The following STAG1 variants were observed in gnomAD, a reference collection of about 807,000 sequenced individuals.
STAG1 encodes STAG1 cohesin complex component.
A neutral mutation model predicts 170.9 loss-of-function variants in STAG1; 26 were observed. The ratio of observed to expected loss-of-function variants is 0.15; its 90% CI spans 0.11 to 0.21. The LOEUF (loss-of-function observed/expected upper bound fraction) is 0.21. Ranked by LOEUF, STAG1 falls within the 10% of genes least tolerant of loss-of-function variation. The pLI is 1.00. For missense variants in STAG1, 964 were observed against 1,509.5 expected (o/e 0.64, Z 5.99); for synonymous variants, 514 against 497.7 (o/e 1.03, Z -0.44).
chr3:136,372,415 C>A (rs1322427410), intron 23 of STAG1, among the ~76,000 whole-genome samples: 1 of 152,170 alleles, frequency 6.6e-6, no homozygotes, highest in Non-Finnish European at 1.5e-5. Context: ...GAGGGCATCC[C>A]TGTCTTGTGC....
At chr3:136,572,159 G>A (rs971817138) in intron 4 of STAG1, among the ~76,000 whole-genome samples, 4 of 152,302 alleles carry the variant, frequency 2.6e-5, no homozygotes, top group Non-Finnish European at 5.9e-5. Context: ...AGGTTGCAGT[G>A]AGCCAAGATG....
At chr3:136,520,868 T>C (rs752281187) in intron 7 of STAG1, among the ~76,000 whole-genome samples, 4 of 152,106 alleles carry the variant, frequency 2.6e-5, no homozygotes, top group Non-Finnish European at 4.4e-5. Context: ...AATTATGCGA[T>C]GAAAAAATAC....
intron 6 of STAG1, among the ~76,000 whole-genome samples, chr3:136,533,126 T>C (rs1173487662): frequency 6.6e-6 from 1 of 151,924 alleles, no homozygotes; most frequent in Non-Finnish European, 1.5e-5. Flanking sequence ...ATAAAACAGC[T>C]GTAAAAAAAT....
intron 16 of STAG1, among the ~76,000 whole-genome samples, chr3:136,423,853 CTT>C (rs1202281018): frequency 6.9e-6 from 1 of 145,106 alleles, no homozygotes. Context: ...ATTGTTCAGT[CTT>C]TTTTTTTTTT....
At chr3:136,378,871 G>C (rs763587145) in intron 22 of STAG1, among the ~76,000 whole-genome samples, 19 of 152,156 alleles carry the variant, frequency 1.2e-4, no homozygotes, top group Non-Finnish European at 7.4e-5. Flanking sequence ...ATTTAAAACA[G>C]TAATGCAGAC....
rs1202504436 is a variant in STAG1 at position 136,472,577 on chromosome 3, T to C, written c.1126-85A>G. 4 of 867,680 alleles carry C rather than the reference T, an allele frequency of 4.6e-6. No individual in the cohort carries two copies. The African/African-American group carries it at 5.1e-5, about 11-fold the overall frequency. 53.7% of individuals were successfully genotyped at this position (867,680 alleles called of 1,614,324 possible). A position where few individuals can be genotyped will look rare whatever the true frequency, so the allele number is the denominator to read the frequency against. ...CTAATATAATGTATTCTGGGATATATATGCAATACTAATGATAGGTTAAAT... is the reference window on the plus strand; with the variant it reads ...CTAATATAATGTATTCTGGGATATACATGCAATACTAATGATAGGTTAAAT... On this transcript the variant is annotated intron_variant, in intron 11 of 33. Coordinates refer to ENST00000383202, the MANE Select transcript of STAG1 (RefSeq NM_005862.3).
At chr3:136,663,334 A>C (rs574085775) in intron 1 of STAG1, among the ~76,000 whole-genome samples, 1 of 152,212 alleles carries the variant, frequency 6.6e-6, no homozygotes, top group Admixed American at 6.5e-5. Flanking sequence ...TATGAAGTAG[A>C]TATTACTATT....
In STAG1 at chr3:136,696,800, T is replaced by C. The variant is rs74981523; in HGVS notation, c.-84+55395A>G. Among the ~76,000 whole-genome samples, 19 of 152,314 alleles carry C rather than the reference T, an allele frequency of 1.2e-4. No individual in the cohort carries two copies. The East Asian group carries it at 3.3e-3, about 26-fold the overall frequency. On this transcript the variant is annotated intron_variant, in intron 1 of 33. Coordinates refer to ENST00000383202, the MANE Select transcript of STAG1 (RefSeq NM_005862.3). Reference sequence around the variant, plus strand: ...AAAGGTTACATATCAAATGATTCCGTATGTATGACATTCTGAGAAAAGCAG... The same window carrying C: ...AAAGGTTACATATCAAATGATTCCGCATGTATGACATTCTGAGAAAAGCAG...
At chr3:136,632,722 TAAAAG>T (rs1940380164) in intron 1 of STAG1, among the ~76,000 whole-genome samples, 1 of 152,116 alleles carries the variant, frequency 6.6e-6, no homozygotes, top group Non-Finnish European at 1.5e-5. Context: ...TGCCCAAGGC[TAAAAG>T]CATGGTCAGA....
intron 12 of STAG1, among the ~76,000 whole-genome samples, chr3:136,465,828 A>T (rs2089439477): frequency 6.6e-6 from 1 of 152,136 alleles, no homozygotes; most frequent in African/African-American, 2.4e-5. Flanking sequence ...TTAACCTACT[A>T]ACTAATGCAT....
intron 16 of STAG1, among the ~76,000 whole-genome samples, chr3:136,432,264 T>C (rs999327449): frequency 3.3e-5 from 5 of 152,328 alleles, no homozygotes; most frequent in Admixed American, 2.0e-4. Context: ...GTTTTCATTA[T>C]TGAGATTCTC....
chr3:136,341,859 A>G (rs1935985058), intron 30 of STAG1, among the ~76,000 whole-genome samples: 1 of 152,238 alleles, frequency 6.6e-6, no homozygotes, highest in African/African-American at 2.4e-5. Flanking sequence ...TGGACAGCAG[A>G]TCCCCAACTA....
intron 2 of STAG1, among the ~76,000 whole-genome samples, chr3:136,628,647 T>C (rs1365809969): frequency 6.6e-6 from 1 of 152,210 alleles, no homozygotes; most frequent in African/African-American, 2.4e-5. Context: ...TGTGTTAAAA[T>C]TCTCATAATA....
intron 3 of STAG1, among the ~76,000 whole-genome samples, chr3:136,610,567 C>T (rs1939224801): frequency 1.3e-5 from 2 of 152,118 alleles, no homozygotes; most frequent in African/African-American, 4.8e-5. Flanking sequence ...GATACTGGTA[C>T]TTGATAGACT....
intron 7 of STAG1, among the ~76,000 whole-genome samples, chr3:136,512,398 G>C (rs1157544599): frequency 6.6e-6 from 1 of 152,128 alleles, no homozygotes; most frequent in Non-Finnish European, 1.5e-5. Flanking sequence ...GTGTGTTATG[G>C]TCTGAAAATA....
intron 28 of STAG1, among the ~76,000 whole-genome samples, chr3:136,349,573 GTGTAT>G (rs1157005816): frequency 2.6e-5 from 4 of 152,136 alleles, no homozygotes; most frequent in South Asian, 2.1e-4. Flanking sequence ...AAGCAAGTGA[GTGTAT>G]TACCTAAGGG....
In STAG1 at chr3:136,546,369, A is replaced by G. The variant is rs536047398; in HGVS notation, c.395-4174T>C. The stretch of plus-strand genomic sequence containing the variant: ...CCTATGAACCATTTTAAAACATACG[A>G]AAATTCATGTCTATGTATTTTTGTA... On this transcript the variant is annotated intron_variant, in intron 5 of 33. Transcript: ENST00000383202. 2.7e-4 allele frequency among the ~76,000 whole-genome samples: 41 copies of G among 152,312 alleles called. 1 individual carries two copies. The highest frequency in any genetic ancestry group is 2.6e-3 in the Admixed American group (39 of 15,292).
At chr3:136,541,157 AAAATT>A (rs1203201176) in intron 6 of STAG1, among the ~76,000 whole-genome samples, 1 of 152,100 alleles carries the variant, frequency 6.6e-6, no homozygotes, top group Non-Finnish European at 1.5e-5. Flanking sequence ...TTTCCAAGTT[AAAATT>A]AATAATAATA....
chr3:136,666,525 CTGTT>C (rs1379667878), intron 1 of STAG1, among the ~76,000 whole-genome samples: 1 of 152,070 alleles, frequency 6.6e-6, no homozygotes, highest in African/African-American at 2.4e-5. Context: ...TGATGAATAA[CTGTT>C]TGATACGACT....
Sources: gnomAD v4.1 joint callset for allele counts (sites outside exome capture counted in the v4.1 genomes callset) on GRCh38, gnomAD v4.1.1 for gene constraint, MANE v1.5 for transcripts, NCBI Gene and HGNC (gene_info 2026-07-23, HGNC 2026-07-21) for gene names.